The following PTBP2 variants were observed in gnomAD, a reference collection of about 807,000 sequenced individuals.
The protein encoded by PTBP2 is polypyrimidine tract-binding protein 2.
PTBP2 carries 13 observed loss-of-function variants against 61.4 expected under a neutral mutation model. The observed-to-expected ratio is 0.21, with a 90% CI of 0.14 to 0.34. PTBP2 has a LOEUF of 0.34. Among genes scored for constraint, PTBP2 ranks in the 10% least tolerant of loss-of-function variants. The probability of loss-of-function intolerance (pLI) is 1.00; values close to 1 mark genes in which losing one functional copy is unlikely to be tolerated. For synonymous variants in PTBP2, 215 were observed against 218.5 expected (o/e 0.98, Z 0.14); for missense variants, 405 against 642.6 (o/e 0.63, Z 4.00).
At chr1:96,780,316 A>G (rs1353997637) in intron 7 of PTBP2, among the ~76,000 whole-genome samples, 1 of 151,690 alleles carries the variant, frequency 6.6e-6, no homozygotes, top group East Asian at 1.9e-4. Context: ...TCAACTTTCA[A>G]TCCATCCATC....
At chr1:96,820,960 GACAGTAT>G (rs1662666034) in exon 14 of PTBP2, 1 of 152,114 alleles carries the variant, frequency 6.6e-6, no homozygotes. Context: ...TTCATGTTAT[GACAGTAT>G]ACAGTATAGC....
intron 5 of PTBP2, among the ~76,000 whole-genome samples, chr1:96,772,072 G>C (rs1008868980): frequency 3.9e-5 from 6 of 152,024 alleles, no homozygotes; most frequent in Non-Finnish European, 8.8e-5. Context: ...CCGGGAGATA[G>C]CATCAGATCC....
chr1:96,736,603 A>G (rs1224152909), intron 2 of PTBP2, among the ~76,000 whole-genome samples: 2 of 152,204 alleles, frequency 1.3e-5, no homozygotes, highest in African/African-American at 2.4e-5. Context: ...CCAAGTTTTC[A>G]TATTGGTTAC....
chr1:96,723,075 C>G (rs1305505615), intron 1 of PTBP2, among the ~76,000 whole-genome samples: 5 of 152,156 alleles, frequency 3.3e-5, no homozygotes, highest in African/African-American at 1.2e-4. Context: ...AAAGTTAACA[C>G]AGTCTCACAG....
chr1:96,817,141 T>A (rs1189054187), downstream of PTBP2: 1 of 152,092 alleles, frequency 6.6e-6, no homozygotes, highest in Non-Finnish European at 1.5e-5. Context: ...ACTTAAGATT[T>A]CATATGTATA....
At chr1:96,761,450 G>C (rs1282966662) in intron 3 of PTBP2, among the ~76,000 whole-genome samples, 1 of 151,540 alleles carries the variant, frequency 6.6e-6, no homozygotes, top group African/African-American at 2.4e-5. Context: ...GTATTTCACA[G>C]GTAGGATCAG....
At chr1:96,755,260 G>A (rs1486382803) in intron 3 of PTBP2, among the ~76,000 whole-genome samples, 1 of 152,144 alleles carries the variant, frequency 6.6e-6, no homozygotes, top group Non-Finnish European at 1.5e-5. Context: ...AGCATCATTA[G>A]TTATTAGGGA....
intron 1 of PTBP2, among the ~76,000 whole-genome samples, chr1:96,722,314 G>A (rs1649702518): frequency 6.6e-6 from 1 of 152,124 alleles, no homozygotes; most frequent in Non-Finnish European, 1.5e-5. Context: ...TCTAGGGGAA[G>A]AGGAGAGAGG....
At position 96,814,449 on chromosome 1, in the gene PTBP2, T is replaced by A. The variant is rs1662353787; in HGVS notation, c.*1044T>A. 1.3e-5 allele frequency: 2 copies of A among 152,580 alleles called. No individual in the cohort carries two copies. Among genetic ancestry groups the A allele is most frequent in the Non-Finnish European group, 2.9e-5 (2 of 67,978 alleles). 9.5% of individuals were successfully genotyped at this position (152,580 alleles called of 1,614,324 possible). A position where few individuals can be genotyped will look rare whatever the true frequency, so the allele number is the denominator to read the frequency against. ...CTGACAACCAGGTGGGACCAAAGTT[T>A]ATGTGCCTTTAGTCTTAATTTACCT... On this transcript the variant is annotated 3_prime_UTR_variant, in exon 14 of 14. Coordinates refer to ENST00000674951, the MANE Select transcript of PTBP2 (RefSeq NM_021190.4).
chr1:96,815,764 CTGT>C (rs1662457765), downstream of PTBP2: 1 of 152,144 alleles, frequency 6.6e-6, no homozygotes. Context: ...ACTAGTGTCA[CTGT>C]TGTCATCTGA....
chr1:96,724,239 A>T (rs972074904), intron 2 of PTBP2, among the ~76,000 whole-genome samples: 1 of 144,620 alleles, frequency 6.9e-6, no homozygotes, highest in African/African-American at 2.4e-5. Flanking sequence ...GTCATGATGT[A>T]TTGTAATTTT....
At chr1:96,819,057 GGGAA>G (rs1285722204), downstream of PTBP2, 2 of 151,968 alleles carry the variant, frequency 1.3e-5, no homozygotes, top group Non-Finnish European at 2.9e-5. Flanking sequence ...TAGTCTGACA[GGGAA>G]GGAATGTCCA....
chr1:96,801,153 A>G (rs182276183), intron 8 of PTBP2, among the ~76,000 whole-genome samples: 616 of 152,238 alleles, frequency 4.0e-3, no homozygotes, highest in Middle Eastern at 6.8e-3. Context: ...AATTTTTTAT[A>G]TATTTTATGA....
At chr1:96,786,675 T>C (rs1659243107) in intron 8 of PTBP2, among the ~76,000 whole-genome samples, 1 of 152,218 alleles carries the variant, frequency 6.6e-6, no homozygotes, top group South Asian at 2.1e-4. Context: ...GCAGATACAT[T>C]ACTTTGTTAA....
At chr1:96,799,293 G>GTTTTTTTTTTTTTTTTTTTTTTTT (rs1557768004) in intron 8 of PTBP2, among the ~76,000 whole-genome samples, 1 of 88,290 alleles carries the variant, frequency 1.1e-5, no homozygotes, top group Admixed American at 1.2e-4. Flanking sequence ...AATAGATCAA[G>GTTTTTTTTTTTTTTTTTTTTTTTT]CTTTTTTTTT....
At position 96,777,609 on chromosome 1, in the gene PTBP2, G is replaced by T; in HGVS notation, c.457G>T (p.Val153Leu). The T allele has an allele frequency of 1.2e-6, 2 of 1,610,500 alleles. No homozygotes were observed. Among genetic ancestry groups the T allele is most frequent in the Non-Finnish European group, 1.7e-6 (2 of 1,178,648 alleles). Residue 153 changes from valine (V) to leucine (L), a missense_variant, in exon 6 of 14, where the codon GTG (valine) becomes TTG (leucine). Physicochemically the swap from Val to Leu is conservative, Grantham distance 32. Transcript: ENST00000674951. ...GCGTGCTCAGGCAGTTCTTCAAGCT[G>T]TGACAGCTGTCCAGACAGCAAATAC... The part of the protein sequence containing the change: ...NQRAQAVLQA[V>L]TAVQTANTPL...
intron 9 of PTBP2, 109 bp from the exon 10 acceptor site, chr1:96,806,310 A>T: frequency 1.1e-6 from 1 of 902,068 alleles, no homozygotes; most frequent in Non-Finnish European, 1.9e-6. Context: ...TGACCACCTC[A>T]CCATTCTGCG....
intron 3 of PTBP2, among the ~76,000 whole-genome samples, chr1:96,765,508 C>T (rs143863634): frequency 0.019 from 2,829 of 152,054 alleles, 90 homozygotes; most frequent in African/African-American, 0.064. Flanking sequence ...GCCAGGAGTT[C>T]GAGACCAGCC....
At chr1:96,819,050 T>C (rs903448162), downstream of PTBP2, 2 of 152,052 alleles carry the variant, frequency 1.3e-5, no homozygotes, top group Non-Finnish European at 2.9e-5. Flanking sequence ...TCAAATTTAG[T>C]CTGACAGGGA....
Sources: gnomAD v4.1 joint callset for allele counts (sites outside exome capture counted in the v4.1 genomes callset) on GRCh38, gnomAD v4.1.1 for gene constraint, MANE v1.5 for transcripts, NCBI Gene and HGNC (gene_info 2026-07-23, HGNC 2026-07-21) for gene names.